CNBD1: variants seen among roughly 807,000 people sequenced by gnomAD.
CNBD1 encodes cyclic nucleotide binding domain containing 1.
A neutral mutation model predicts 54.4 loss-of-function variants in CNBD1; 71 were observed. The observed-to-expected ratio is 1.30, with a 90% CI of 1.08 to 1.59. The LOEUF (loss-of-function observed/expected upper bound fraction) is 1.59, where lower values mean the gene tolerates loss of function less well. Ranked by LOEUF, CNBD1 falls within the 40% of genes most tolerant of loss-of-function variation. CNBD1 has a pLI of 0.00. For synonymous variants in CNBD1, 182 were observed against 170.7 expected (o/e 1.07, Z -0.51); for missense variants, 659 against 518.0 (o/e 1.27, Z -2.64).
intron 4 of CNBD1, among the ~76,000 whole-genome samples, chr8:86,993,344 A>G (rs939079856): frequency 6.6e-6 from 1 of 151,240 alleles, no homozygotes; most frequent in African/African-American, 2.4e-5. Flanking sequence ...GCTTTCTTTC[A>G]TCTCTTTTAT....
At chr8:86,933,088 C>A (rs1019556634) in intron 3 of CNBD1, among the ~76,000 whole-genome samples, 2 of 152,098 alleles carry the variant, frequency 1.3e-5, no homozygotes, top group Non-Finnish European at 2.9e-5. Context: ...GAAGGGATCT[C>A]CAGCATTGGA....
intron 4 of CNBD1, among the ~76,000 whole-genome samples, chr8:87,152,682 C>T (rs1180828536): frequency 6.6e-6 from 1 of 152,096 alleles, no homozygotes; most frequent in Non-Finnish European, 1.5e-5. Flanking sequence ...TATGGATGAA[C>T]TCCATCCTCA....
rs78744839 is a variant in CNBD1, at chr8:87,211,653, C to T, written c.577+5515C>T. Among the ~76,000 whole-genome samples, 1,235 of 152,222 alleles carry T rather than the reference C, an allele frequency of 8.1e-3. 28 individuals carry two copies. Among genetic ancestry groups the T allele is most frequent in the African/African-American group, 0.023 (968 of 41,538 alleles). On this transcript the variant is annotated intron_variant, in intron 5 of 10. Coordinates refer to ENST00000518476, the MANE Select transcript of CNBD1 (RefSeq NM_173538.3). Reference sequence around the variant, plus strand: ...CTGCTCCTTCTCTCTCCATGTGATGCGTCTGCTTCCATTTTACCTTCTACT... The same window carrying T: ...CTGCTCCTTCTCTCTCCATGTGATGTGTCTGCTTCCATTTTACCTTCTACT...
chr8:87,308,222 T>C (rs763820886), intron 8 of CNBD1, among the ~76,000 whole-genome samples: 1 of 152,180 alleles, frequency 6.6e-6, no homozygotes, highest in Non-Finnish European at 1.5e-5. Flanking sequence ...TGTTCAGTTA[T>C]TGCTTGGTAA....
intron 8 of CNBD1, among the ~76,000 whole-genome samples, chr8:87,347,817 G>GT (rs1810204833): frequency 1.3e-5 from 2 of 152,176 alleles, no homozygotes; most frequent in Non-Finnish European, 2.9e-5. Flanking sequence ...GCAATAGATA[G>GT]TAAGAGGGGA....
At chr8:87,369,933 T>G (rs71504323) in intron 10 of CNBD1, among the ~76,000 whole-genome samples, 56,199 of 151,590 alleles carry the variant, frequency 0.37, 10,737 homozygotes, top group Middle Eastern at 0.45. Flanking sequence ...TGTGTCCATG[T>G]GTTCTCATTG....
At chr8:87,205,663 TAAC>T (rs1384224816) in intron 4 of CNBD1, among the ~76,000 whole-genome samples, 8 of 152,110 alleles carry the variant, frequency 5.3e-5, no homozygotes, top group Non-Finnish European at 1.0e-4. Context: ...ACTATTATAA[TAAC>T]TACTGATAAG....
At chr8:87,203,076 G>T (rs1813897523) in intron 4 of CNBD1, among the ~76,000 whole-genome samples, 1 of 152,170 alleles carries the variant, frequency 6.6e-6, no homozygotes, top group Non-Finnish European at 1.5e-5. Flanking sequence ...CTAGACATGA[G>T]ATCTTGAGTA....
chr8:87,382,597 G>C (rs1209322640), intron 10 of CNBD1, 23 bp from the exon 11 acceptor site: 1 of 1,521,434 alleles, frequency 6.6e-7, no homozygotes, highest in East Asian at 2.5e-5. Flanking sequence ...GTAACTTCTT[G>C]TTTGTTTGTT....
intron 4 of CNBD1, among the ~76,000 whole-genome samples, chr8:87,074,984 T>A (rs190081981): frequency 3.9e-5 from 6 of 152,314 alleles, no homozygotes; most frequent in Non-Finnish European, 7.4e-5. Context: ...AATCTGTCTT[T>A]TTGGAAAAAG....
intron 4 of CNBD1, among the ~76,000 whole-genome samples, chr8:87,006,534 A>G (rs1809101063): frequency 6.6e-6 from 1 of 152,180 alleles, no homozygotes; most frequent in Admixed American, 6.5e-5. Context: ...TGAAGCTTTT[A>G]TTTATGAAGG....
chr8:87,048,895 C>A (rs1810255924), intron 4 of CNBD1, among the ~76,000 whole-genome samples: 1 of 152,154 alleles, frequency 6.6e-6, no homozygotes, highest in Non-Finnish European at 1.5e-5. Context: ...CCCCCCAAAA[C>A]AATCTTTGGG....
chr8:87,219,909 A>G (rs1330263238), intron 5 of CNBD1, among the ~76,000 whole-genome samples: 2 of 152,034 alleles, frequency 1.3e-5, no homozygotes, highest in Non-Finnish European at 1.5e-5. Context: ...TCCATTCACT[A>G]GTTCATATAT....
rs371196843 is a variant in CNBD1, at chr8:87,027,389, A to T, written c.431+87635A>T. Among the ~76,000 whole-genome samples, 14 of 152,260 alleles carry T rather than the reference A, an allele frequency of 9.2e-5. No homozygotes were observed. In the East Asian group the frequency reaches 2.5e-3, roughly 27 times the overall value. On this transcript the variant is annotated intron_variant, in intron 4 of 10. Coordinates refer to ENST00000518476, the MANE Select transcript of CNBD1 (RefSeq NM_173538.3). Reference sequence around the variant, plus strand: ...TGGGTTCAAGTGATTTTCCTGCCTCAGCCTCCTGAGTAGCTGGAACTACAG... The same window carrying T: ...TGGGTTCAAGTGATTTTCCTGCCTCTGCCTCCTGAGTAGCTGGAACTACAG...
rs878949450 is a variant in CNBD1, at chr8:87,353,795, A to G, written c.1303+9A>G. ...AGATAAGGACCTATTTGGTAAATGCATAAATATCTTTTAACTGTTATACCA... is the reference window on the plus strand; with the variant it reads ...AGATAAGGACCTATTTGGTAAATGCGTAAATATCTTTTAACTGTTATACCA... On this transcript the variant is annotated intron_variant, in intron 10 of 10. Coordinates refer to ENST00000518476, the MANE Select transcript of CNBD1 (RefSeq NM_173538.3). 2.8e-5 allele frequency: 44 copies of G among 1,586,472 alleles called. No individual in the cohort carries two copies. The highest frequency in any genetic ancestry group is 3.5e-5 in the Non-Finnish European group (41 of 1,167,236).
chr8:86,926,723 T>C (rs1809367061), intron 3 of CNBD1, among the ~76,000 whole-genome samples: 1 of 152,110 alleles, frequency 6.6e-6, no homozygotes. Flanking sequence ...GCCCCAGCAG[T>C]CTTGGAGAGT....
At position 87,392,042 on chromosome 8, in the gene CNBD1, C is replaced by T. The variant is rs1811319642; in HGVS notation, c.214-36504C>T. On this transcript the variant is annotated intron_variant, in intron 2 of 7. Transcript: ENST00000521593. ...TCTCTAAAGAAGAATGGCTGATAAG[C>T]ACAGAAAAAGGTACTCACTTTCACT... Among the ~76,000 whole-genome samples the T allele has an allele frequency of 3.3e-5, 5 of 151,886 alleles. No individual in the cohort carries two copies. The South Asian group carries it at 1.0e-3, about 32-fold the overall frequency.
chr8:87,161,535 G>C (rs1812857559), intron 4 of CNBD1, among the ~76,000 whole-genome samples: 1 of 151,976 alleles, frequency 6.6e-6, no homozygotes, highest in Non-Finnish European at 1.5e-5. Context: ...AAATAGAGAA[G>C]GTGGACAGCA....
chr8:87,287,413 C>T (rs1030808449), intron 8 of CNBD1, among the ~76,000 whole-genome samples: 8 of 152,186 alleles, frequency 5.3e-5, no homozygotes, highest in African/African-American at 1.4e-4. Flanking sequence ...ATGGCGACCT[C>T]GACTCTCTTT....
Sources: allele counts gnomAD v4.1 joint callset (sites outside exome capture counted in the v4.1 genomes callset), GRCh38; gene constraint gnomAD v4.1.1; transcripts MANE v1.5; gene names NCBI Gene and HGNC (gene_info 2026-07-23, HGNC 2026-07-21).